SLC16A2: variants seen among roughly 807,000 people sequenced by gnomAD.
SLC16A2 encodes solute carrier family 16 member 2.
SLC16A2 carries 3 observed loss-of-function variants against 27.2 expected under a neutral mutation model. The observed-to-expected ratio is 0.11, with a 90% CI of 0.05 to 0.28. The LOEUF (loss-of-function observed/expected upper bound fraction) is 0.28. SLC16A2 is among the 10% of genes least tolerant of loss of function. SLC16A2 has a pLI of 1.00. For synonymous variants in SLC16A2, 202 were observed against 187.8 expected, an observed-to-expected ratio of 1.08 and a Z score of -0.62; for missense variants, 295 against 458.5, an observed-to-expected ratio of 0.64 and a Z score of 3.26.
At chrX:74,507,248 G>C (rs957193316) in intron 1 of SLC16A2, among the ~76,000 whole-genome samples, 1 of 111,003 alleles carries the variant, frequency 9.0e-6, no homozygotes, top group African/African-American at 3.3e-5. Context: ...GAGCAACCGC[G>C]CCCAGCCTCA....
At chrX:74,437,997 T>A (rs949731158) in intron 1 of SLC16A2, among the ~76,000 whole-genome samples, 1 of 112,245 alleles carries the variant, frequency 8.9e-6, no homozygotes, top group Non-Finnish European at 1.9e-5. Flanking sequence ...CAACAGAGAC[T>A]AACATTTGCC....
chrX:74,431,550 C>T (rs759168834), intron 1 of SLC16A2, among the ~76,000 whole-genome samples: 17 of 111,579 alleles, frequency 1.5e-4, no homozygotes, highest in Non-Finnish European at 3.8e-5. Flanking sequence ...ACAGGATCAT[C>T]GTACACCAAA....
Position 74,470,937 on chromosome X carries a change from CA to C in SLC16A2, c.430+48882del, listed in dbSNP as rs772331438. On this transcript the variant is annotated intron_variant, in intron 1 of 5. Coordinates refer to ENST00000587091, the MANE Select transcript of SLC16A2 (RefSeq NM_006517.5). ...TGGGCTACAGAGCGAGACTCCGTCT[CA>C]AAAAAAAAAAATCAAGTTATTTATT... Among the ~76,000 whole-genome samples the C allele has an allele frequency of 1.2e-3, 117 of 98,530 alleles. 1 individual carries two copies. The highest frequency in any genetic ancestry group is 3.6e-3 in the African/African-American group (99 of 27,139). 85.6% of individuals were successfully genotyped at this position (98,530 alleles called of 115,157 possible). A position where few individuals can be genotyped will look rare whatever the true frequency, so the allele number is the denominator to read the frequency against.
intron 1 of SLC16A2, among the ~76,000 whole-genome samples, chrX:74,483,617 C>G (rs1929664469): frequency 9.0e-6 from 1 of 111,139 alleles, no homozygotes; most frequent in African/African-American, 3.3e-5. Context: ...ATTCTTAAAA[C>G]TCATCTCACC....
intron 1 of SLC16A2, among the ~76,000 whole-genome samples, chrX:74,476,142 C>T: frequency 9.0e-6 from 1 of 111,527 alleles, no homozygotes; most frequent in Non-Finnish European, 1.9e-5. Context: ...TTGTTTGTAT[C>T]CTCTTTCATT....
intron 1 of SLC16A2, among the ~76,000 whole-genome samples, chrX:74,479,678 CTGTT>C (rs1370902048): frequency 3.6e-5 from 4 of 112,312 alleles, no homozygotes; most frequent in Admixed American, 1.9e-4. Flanking sequence ...GATGTCCTTT[CTGTT>C]TGTTAGTTTT....
intron 1 of SLC16A2, among the ~76,000 whole-genome samples, chrX:74,453,905 G>T (rs1928992270): frequency 1.8e-5 from 2 of 111,915 alleles, no homozygotes; most frequent in South Asian, 7.5e-4. Context: ...TACTTATGGG[G>T]TACTTGTGAT....
At chrX:74,486,318 A>G (rs1929720655) in intron 1 of SLC16A2, among the ~76,000 whole-genome samples, 1 of 112,261 alleles carries the variant, frequency 8.9e-6, no homozygotes. Flanking sequence ...TTAATTCTAT[A>G]GGAAGCAGAA....
At chrX:74,475,377 T>C (rs1929451248) in intron 1 of SLC16A2, among the ~76,000 whole-genome samples, 1 of 109,569 alleles carries the variant, frequency 9.1e-6, no homozygotes, top group Admixed American at 9.8e-5. Flanking sequence ...ATTCTGGATA[T>C]TAGCCCTTTG....
chrX:74,485,473 C>A (rs751951628), intron 1 of SLC16A2, among the ~76,000 whole-genome samples: 124 of 110,124 alleles, frequency 1.1e-3, no homozygotes, highest in African/African-American at 4.0e-3. Flanking sequence ...CACAAGGTAT[C>A]TTTATTCTAA....
chrX:74,426,310 G>T (rs143316877), intron 1 of SLC16A2, among the ~76,000 whole-genome samples: 239 of 112,093 alleles, frequency 2.1e-3, no homozygotes, highest in African/African-American at 7.5e-3. Flanking sequence ...CATCTCTCAC[G>T]TCATTCCCCT....
At chrX:74,494,799 G>A (rs1343951088) in intron 1 of SLC16A2, among the ~76,000 whole-genome samples, 2 of 111,117 alleles carry the variant, frequency 1.8e-5, no homozygotes, top group Non-Finnish European at 3.8e-5. Context: ...CAGCTACTGA[G>A]GGACTGGGTC....
chrX:74,470,206 C>G, intron 1 of SLC16A2, among the ~76,000 whole-genome samples: 1 of 112,351 alleles, frequency 8.9e-6, no homozygotes, highest in South Asian at 3.7e-4. Context: ...CAGAGCTTAT[C>G]CATTCACCTA....
rs1034820850 is a variant in SLC16A2 at position 74,421,839 on chromosome X, G to A, written c.202G>A (p.Glu68Lys). Reference protein sequence around the residue: ...LPDPAPLPELEFESERVHEPE... With the variant: ...LPDPAPLPELKFESERVHEPE... ...GGACCCCGCACCCCTGCCGGAGCTG[G>A]AGTTCGAGTCCGAGCGGGTGCACGA... Residue 68 changes from glutamate to lysine, a missense_variant, in exon 1 of 6, where the codon GAG (glutamate) becomes AAG (lysine). Glu to Lys is a moderately conservative substitution (Grantham distance 56, BLOSUM62 1). Coordinates refer to ENST00000587091, the MANE Select transcript of SLC16A2 (RefSeq NM_006517.5). 2.5e-6 allele frequency: 3 copies of A among 1,200,516 alleles called. No homozygotes were observed. Among genetic ancestry groups the A allele is most frequent in the Non-Finnish European group, 1.1e-6 (1 of 889,546 alleles).
intron 1 of SLC16A2, among the ~76,000 whole-genome samples, chrX:74,441,028 C>T (rs1345437391): frequency 1.8e-5 from 2 of 108,419 alleles, no homozygotes; most frequent in East Asian, 3.0e-4. Flanking sequence ...AGTGCAGTGG[C>T]GCCATCTCGG....
intron 5 of SLC16A2, among the ~76,000 whole-genome samples, chrX:74,530,082 T>C (rs1303745330): frequency 1.1e-5 from 1 of 91,670 alleles, no homozygotes; most frequent in African/African-American, 3.7e-5. Flanking sequence ...CAATTTCTTT[T>C]CTTTTCTCTT....
At chrX:74,490,172 A>C (rs1262780338) in intron 1 of SLC16A2, among the ~76,000 whole-genome samples, 1 of 110,537 alleles carries the variant, frequency 9.0e-6, no homozygotes, top group South Asian at 3.9e-4. Flanking sequence ...AGAAAAAGAG[A>C]ACTTAGGAAC....
At chrX:74,483,720 G>T (rs957541773) in intron 1 of SLC16A2, among the ~76,000 whole-genome samples, 23 of 111,434 alleles carry the variant, frequency 2.1e-4, no homozygotes, top group African/African-American at 6.9e-4. Context: ...TCTATGAGCA[G>T]GGTGCTGGGC....
chrX:74,422,720 T>C (rs979951800), intron 1 of SLC16A2, among the ~76,000 whole-genome samples: 1 of 112,001 alleles, frequency 8.9e-6, no homozygotes, highest in Admixed American at 9.4e-5. Flanking sequence ...GGCCCGGCAG[T>C]CCTCTGCCGC....
Sources: allele counts gnomAD v4.1 joint callset (sites outside exome capture counted in the v4.1 genomes callset), GRCh38; gene constraint gnomAD v4.1.1; transcripts MANE v1.5; gene names NCBI Gene and HGNC (gene_info 2026-07-23, HGNC 2026-07-21).